Variants in AGBL3 observed in about 807,000 individuals in gnomAD.
AGBL3 encodes cytosolic carboxypeptidase 3.
Under a neutral mutation model 94.5 loss-of-function variants are expected in AGBL3, and 68 were observed. The observed-to-expected ratio is 0.72, with a 90% confidence interval of 0.59 to 0.88. The LOEUF is 0.88. Among genes scored for constraint, AGBL3 ranks in the 40% least tolerant of loss-of-function variants. AGBL3 has a pLI of 0.00. For missense variants in AGBL3, 934 were observed against 1,103.8 expected (o/e 0.85, Z 2.18); for synonymous variants, 354 against 370.7 (o/e 0.95, Z 0.52).
chr7:135,125,138 A>G (rs1220748511), intron 16 of AGBL3, among the ~76,000 whole-genome samples: 1 of 152,140 alleles, frequency 6.6e-6, no homozygotes, highest in East Asian at 1.9e-4. Flanking sequence ...AATTAACAAA[A>G]TAGACCACTG....
chr7:135,057,434 G>A (rs1362543296), intron 11 of AGBL3, among the ~76,000 whole-genome samples: 1 of 59,194 alleles, frequency 1.7e-5, no homozygotes, highest in Non-Finnish European at 4.4e-5. Context: ...AAAATAAAAA[G>A]ATGCTTGCCA....
intron 11 of AGBL3, 85 bp from the exon 12 acceptor site, chr7:135,059,084 A>G (rs1379911740): frequency 4.6e-6 from 5 of 1,084,166 alleles, no homozygotes; most frequent in Non-Finnish European, 6.7e-6. Flanking sequence ...CTTTTCAACC[A>G]TTCAAATAAG....
intron 5 of AGBL3, among the ~76,000 whole-genome samples, chr7:135,017,556 C>T (rs990423285): frequency 4.6e-5 from 7 of 152,044 alleles, no homozygotes; most frequent in African/African-American, 1.5e-4. Flanking sequence ...CATTTCTTGG[C>T]GTTATAATCT....
intron 16 of AGBL3, 173 bp downstream of exon 16, chr7:135,115,784 T>G (rs1430930631): frequency 5.4e-6 from 3 of 560,124 alleles, no homozygotes; most frequent in Non-Finnish European, 9.4e-6. Flanking sequence ...ACTGGATAAA[T>G]GAAGGAGTAA....
At chr7:135,074,229 A>G (rs1376078416) in intron 12 of AGBL3, among the ~76,000 whole-genome samples, 2 of 152,202 alleles carry the variant, frequency 1.3e-5, no homozygotes, top group Non-Finnish European at 2.9e-5. Context: ...ATAAAGCTAG[A>G]GGGAAAAAAG....
chr7:135,129,391 T>TG, intron 16 of AGBL3: 2 of 833,086 alleles, frequency 2.4e-6, no homozygotes, highest in Non-Finnish European at 4.3e-6. Flanking sequence ...AAAAGACTTT[T>TG]GGAACAAAGG....
intron 15 of AGBL3, among the ~76,000 whole-genome samples, chr7:135,112,695 T>C (rs1426705124): frequency 1.3e-5 from 2 of 152,238 alleles, no homozygotes; most frequent in South Asian, 2.1e-4. Context: ...TCTTAACATA[T>C]TGAAGGCAGG....
intron 13 of AGBL3, among the ~76,000 whole-genome samples, chr7:135,077,973 G>C (rs746723167): frequency 1.3e-5 from 2 of 152,108 alleles, no homozygotes; most frequent in Non-Finnish European, 2.9e-5. Flanking sequence ...TGGGGTTTTG[G>C]TGGAGCCCTC....
chr7:135,113,107 A>C (rs963753047), intron 15 of AGBL3, among the ~76,000 whole-genome samples: 8 of 152,240 alleles, frequency 5.3e-5, no homozygotes, highest in Admixed American at 5.2e-4. Context: ...TGAGTGGCCT[A>C]AGAATGGCTT....
chr7:134,994,060 T>C (rs1170747460), intron 4 of AGBL3, among the ~76,000 whole-genome samples: 1 of 152,206 alleles, frequency 6.6e-6, no homozygotes, highest in Non-Finnish European at 1.5e-5. Flanking sequence ...CCTGAAGCTT[T>C]AGCAATTCTA....
intron 8 of AGBL3, among the ~76,000 whole-genome samples, chr7:135,040,784 C>T (rs781092870): frequency 4.0e-5 from 6 of 148,210 alleles, no homozygotes; most frequent in Admixed American, 1.4e-4. Context: ...TTCAAAAAGG[C>T]AAAAGAAAGG....
chr7:135,125,564 A>G (rs1013222838), intron 16 of AGBL3, among the ~76,000 whole-genome samples: 3 of 152,224 alleles, frequency 2.0e-5, no homozygotes, highest in African/African-American at 7.2e-5. Context: ...TCATCCTGAT[A>G]CCAAAACCAG....
chr7:135,012,141 C>A (rs772666103), intron 4 of AGBL3: 1 of 152,032 alleles, frequency 6.6e-6, no homozygotes, highest in South Asian at 2.1e-4. Context: ...TGAAAAACAG[C>A]ACAGAAGAAT....
intron 5 of AGBL3, among the ~76,000 whole-genome samples, chr7:135,030,422 C>CACT (rs1477048587): frequency 1.3e-5 from 2 of 152,106 alleles, no homozygotes; most frequent in African/African-American, 4.8e-5. Flanking sequence ...GAATGTGTAT[C>CACT]ACTTTTACAC....
intron 4 of AGBL3, among the ~76,000 whole-genome samples, chr7:134,994,644 A>G (rs1326769145): frequency 6.6e-6 from 1 of 152,224 alleles, no homozygotes; most frequent in Non-Finnish European, 1.5e-5. Context: ...AACTACACTT[A>G]TTGCAGTGCC....
chr7:135,060,614 G>A (rs1294457680), intron 12 of AGBL3, among the ~76,000 whole-genome samples: 2 of 151,832 alleles, frequency 1.3e-5, no homozygotes, highest in Non-Finnish European at 2.9e-5. Context: ...TATGAATTCA[G>A]CATTTTTTTT....
rs142512330 is a variant in AGBL3, at chr7:134,994,263, T to A, written c.310+585T>A. ...TTATCTTCTTTTACCACTTTCTGCC[T>A]TTCTCCTTTTTTCCTCTTTTCCTCT... On this transcript the variant is annotated intron_variant, in intron 4 of 16. Coordinates refer to ENST00000436302, the MANE Select transcript of AGBL3 (RefSeq NM_178563.4). Among the ~76,000 whole-genome samples the A allele has an allele frequency of 1.3e-3, 195 of 152,218 alleles. 3 individuals are homozygous for A. Among genetic ancestry groups the A allele is most frequent in the African/African-American group, 4.6e-3 (193 of 41,532 alleles).
intron 5 of AGBL3, among the ~76,000 whole-genome samples, chr7:135,029,187 C>G (rs1815467286): frequency 6.6e-6 from 1 of 152,156 alleles, no homozygotes; most frequent in Non-Finnish European, 1.5e-5. Context: ...CCACATTCAC[C>G]CCTAAGAGGA....
At chr7:135,043,970 A>T in intron 8 of AGBL3, 55 bp from the exon 9 acceptor site, 1 of 1,517,516 alleles carries the variant, frequency 6.6e-7, no homozygotes, top group Non-Finnish European at 8.9e-7. Flanking sequence ...ACTACTTTCA[A>T]AAAAAGATAT....
Sources: gnomAD v4.1 joint callset for allele counts (sites outside exome capture counted in the v4.1 genomes callset) on GRCh38, gnomAD v4.1.1 for gene constraint, MANE v1.5 for transcripts, NCBI Gene and HGNC (gene_info 2026-07-23, HGNC 2026-07-21) for gene names.